ZNF420: variants seen among roughly 807,000 people sequenced by gnomAD.
ZNF420 encodes zinc finger protein 420.
ZNF420 carries 31 observed loss-of-function variants against 44.7 expected under a neutral mutation model. That is an observed-to-expected ratio of 0.69 (90% CI 0.52 to 0.94). The LOEUF (loss-of-function observed/expected upper bound fraction) is 0.94, where lower values mean the gene tolerates loss of function less well. Ranked by LOEUF, ZNF420 falls within the 40% of genes least tolerant of loss-of-function variation. The pLI, the probability that ZNF420 is intolerant of heterozygous loss-of-function variation, is 0.00. For missense variants in ZNF420, 681 were observed against 827.9 expected (o/e 0.82, Z 2.18); for synonymous variants, 245 against 267.4 (o/e 0.92, Z 0.82).
intron 1 of ZNF420, among the ~76,000 whole-genome samples, chr19:37,072,781 T>C (rs1029680712): frequency 6.6e-6 from 1 of 152,246 alleles, no homozygotes; most frequent in East Asian, 1.9e-4. Context: ...CCAATTAAAA[T>C]ACATCATATT....
chr19:37,017,236 G>T (rs948475230), intron 1 of ZNF420, among the ~76,000 whole-genome samples: 13 of 152,252 alleles, frequency 8.5e-5, no homozygotes, highest in African/African-American at 3.1e-4. Context: ...CTTGTGATTG[G>T]TGTCTGAAGT....
At chr19:37,040,491 G>A (rs559917492) in intron 1 of ZNF420, among the ~76,000 whole-genome samples, 29 of 152,202 alleles carry the variant, frequency 1.9e-4, no homozygotes, top group East Asian at 7.7e-4. Flanking sequence ...TATTGTAAAA[G>A]CAATTGAAGA....
intron 2 of ZNF420, among the ~76,000 whole-genome samples, chr19:37,082,034 G>A (rs1354406906): frequency 6.6e-6 from 1 of 151,904 alleles, no homozygotes; most frequent in African/African-American, 2.4e-5. Context: ...ATTAATATTA[G>A]CATTGTGTGT....
chr19:37,071,215 G>A (rs191198210), intron 1 of ZNF420, among the ~76,000 whole-genome samples: 6 of 152,230 alleles, frequency 3.9e-5, no homozygotes, highest in Non-Finnish European at 1.5e-5. Context: ...TTTAAAAACT[G>A]TAATATAGTC....
chr19:37,060,678 T>C (rs1967860836), intron 1 of ZNF420, among the ~76,000 whole-genome samples: 1 of 151,976 alleles, frequency 6.6e-6, no homozygotes, highest in Non-Finnish European at 1.5e-5. Context: ...ACAGGGAAGC[T>C]ACCTTGGTCT....
chr19:37,010,298 A>C (rs1204841393), intron 1 of ZNF420, among the ~76,000 whole-genome samples: 1 of 152,118 alleles, frequency 6.6e-6, no homozygotes, highest in African/African-American at 2.4e-5. Flanking sequence ...AAAATGGCAG[A>C]AGCAGTGCGG....
intron 4 of ZNF420, 102 bp from the exon 5 acceptor site, chr19:37,127,026 C>A: frequency 2.0e-6 from 2 of 996,108 alleles, no homozygotes; most frequent in Non-Finnish European, 2.8e-6. Context: ...TTGAAACAAA[C>A]TCATGTATGT....
rs1334153140 is a variant in ZNF420, at chr19:37,091,050, G to A, written c.65G>A (p.Cys22Tyr). 3 of 1,613,502 alleles carry A rather than the reference G, an allele frequency of 1.9e-6. No homozygotes were observed. The highest frequency in any genetic ancestry group is 1.1e-5 in the South Asian group (1 of 90,794). The change falls in exon 4 of 5, where the codon TGC becomes TAC. Residue 22 changes from cysteine (C) to tyrosine (Y), a missense_variant. Physicochemically the swap from Cys to Tyr is radical, Grantham distance 194. Transcript: ENST00000337995. ...AIDFSQEEWECLDSAQRDLYR... is the reference protein window; with the variant it reads ...AIDFSQEEWEYLDSAQRDLYR... ...GACTTCTCTCAGGAAGAGTGGGAAT[G>A]CCTGGACTCTGCTCAGAGAGATTTG...
At chr19:37,090,972 T>A in intron 3 of ZNF420, 23 bp from the exon 4 acceptor site, 2 of 1,595,896 alleles carry the variant, frequency 1.3e-6, no homozygotes, top group Non-Finnish European at 8.5e-7. Context: ...TTTCCAAAAT[T>A]AACATTTTGT....
intron 1 of ZNF420, among the ~76,000 whole-genome samples, chr19:37,033,710 C>T (rs148364437): frequency 2.0e-5 from 3 of 152,244 alleles, no homozygotes; most frequent in African/African-American, 7.2e-5. Context: ...GGTTTAAACC[C>T]AGAAGTGGAC....
At chr19:37,112,689 A>G (rs1297975877) in intron 4 of ZNF420, among the ~76,000 whole-genome samples, 2 of 152,136 alleles carry the variant, frequency 1.3e-5, no homozygotes, top group Admixed American at 1.3e-4. Flanking sequence ...CACTGTTTTC[A>G]ACCTTAATAT....
chr19:37,077,541 T>A (rs139558607), upstream of ZNF420, among the ~76,000 whole-genome samples: 2 of 152,324 alleles, frequency 1.3e-5, no homozygotes, highest in East Asian at 3.9e-4. Flanking sequence ...TTTGATCCAA[T>A]AGAAAAATGA....
intron 4 of ZNF420, among the ~76,000 whole-genome samples, chr19:37,114,703 T>C (rs1970564761): frequency 6.6e-6 from 1 of 151,066 alleles, no homozygotes; most frequent in Non-Finnish European, 1.5e-5. Flanking sequence ...TTTCCCAGAT[T>C]CTATCCCTGC....
chr19:37,019,832 ACT>A (rs1310659199), intron 1 of ZNF420, among the ~76,000 whole-genome samples: 1 of 152,008 alleles, frequency 6.6e-6, no homozygotes, highest in Non-Finnish European at 1.5e-5. Context: ...CTAGGTAGAC[ACT>A]CTGGGAAACT....
chr19:37,020,085 C>T (rs1268015318), intron 1 of ZNF420, among the ~76,000 whole-genome samples: 5 of 151,864 alleles, frequency 3.3e-5, no homozygotes, highest in African/African-American at 1.2e-4. Flanking sequence ...GGCACAGTGG[C>T]GGGCGCCTGT....
intron 1 of ZNF420, among the ~76,000 whole-genome samples, chr19:37,065,665 A>G (rs1445874625): frequency 2.6e-5 from 4 of 152,274 alleles, no homozygotes; most frequent in African/African-American, 9.6e-5. Context: ...ATAATGCAGC[A>G]TTGCTGCCAC....
intron 4 of ZNF420, among the ~76,000 whole-genome samples, chr19:37,119,752 G>A (rs1425166549): frequency 1.3e-5 from 2 of 151,980 alleles, no homozygotes; most frequent in African/African-American, 4.8e-5. Flanking sequence ...AGAAAAGAGA[G>A]AAGAATCAAA....
chr19:37,060,711 G>T (rs1377730387), intron 1 of ZNF420, among the ~76,000 whole-genome samples: 1 of 152,046 alleles, frequency 6.6e-6, no homozygotes, highest in Admixed American at 6.5e-5. Flanking sequence ...TCATGTGTGG[G>T]GGGGATTGCC....
chr19:37,049,867 C>T (rs1432758255), intron 1 of ZNF420, among the ~76,000 whole-genome samples: 3 of 152,100 alleles, frequency 2.0e-5, no homozygotes, highest in African/African-American at 4.8e-5. Context: ...TTTAAGTCTT[C>T]AATCCATCTT....
Sources: gnomAD v4.1 joint callset for allele counts (sites outside exome capture counted in the v4.1 genomes callset) on GRCh38, gnomAD v4.1.1 for gene constraint, MANE v1.5 for transcripts, NCBI Gene and HGNC (gene_info 2026-07-23, HGNC 2026-07-21) for gene names.